MEGF10: variants seen among roughly 807,000 people sequenced by gnomAD.
MEGF10 encodes multiple epidermal growth factor-like domains protein 10.
MEGF10 carries 86 observed loss-of-function variants against 147.5 expected under a neutral mutation model. The observed-to-expected ratio is 0.58, with a 90% CI of 0.49 to 0.70. The LOEUF (loss-of-function observed/expected upper bound fraction) is 0.70. Among genes scored for constraint, MEGF10 ranks in the 30% least tolerant of loss-of-function variants. MEGF10 has a pLI of 0.00. For synonymous variants in MEGF10, 478 were observed against 525.5 expected (o/e 0.91, Z 1.24); for missense variants, 1,329 against 1,487.3 (o/e 0.89, Z 1.75).
At chr5:127,455,675 G>T in intron 24 of MEGF10, 68 bp downstream of exon 24, 1 of 1,221,930 alleles carries the variant, frequency 8.2e-7, no homozygotes, top group South Asian at 1.3e-5. Flanking sequence ...AAGTCTTTAC[G>T]AATATAATAG....
At position 127,290,898 on chromosome 5, in the gene MEGF10, C is replaced by CTTT. The variant is rs1430395851; in HGVS notation, c.-177_-176insTTT. On this transcript the variant is annotated 5_prime_UTR_variant, in exon 1 of 25. Coordinates refer to ENST00000503335, the MANE Select transcript of MEGF10 (RefSeq NM_001256545.2). ...GACGTTCCTCTTTCCCGCTTCTCCA[C>CTTT]CTTTACGCCTGAAAGAAGACTCCCA... 1.3e-5 allele frequency: 2 copies of CTTT among 152,288 alleles called. No individual in the cohort carries two copies. The highest frequency in any genetic ancestry group is 2.9e-5 in the Non-Finnish European group (2 of 68,080). 9.4% of individuals were successfully genotyped at this position (152,288 alleles called of 1,614,324 possible). A position where few individuals can be genotyped will look rare whatever the true frequency, so the allele number is the denominator to read the frequency against.
At chr5:127,371,737 C>T (rs1426253822) in intron 5 of MEGF10, among the ~76,000 whole-genome samples, 1 of 152,054 alleles carries the variant, frequency 6.6e-6, no homozygotes, top group African/African-American at 2.4e-5. Context: ...GAAAATAAAC[C>T]GTTGCTTTAT....
chr5:127,422,663 CATG>C lies in MEGF10; in HGVS notation c.1591-6_1591-4del. 1 of 1,612,666 alleles carries C rather than the reference CATG, an allele frequency of 6.2e-7. No homozygotes were observed. On this transcript the variant is annotated splice_region_variant and splice_polypyrimidine_tract_variant and intron_variant, in intron 12 of 24. Transcript: ENST00000503335. ...CATTGCTGCCTTTGATGCTGTTTTC[CATG>C]CAGGATGGCACGTACGGGCTGAACT...
At position 127,459,108 on chromosome 5, in the gene MEGF10, A is replaced by G. The variant is rs1467324502; in HGVS notation, c.*1790A>G. The G allele has an allele frequency of 6.6e-6, 1 of 152,234 alleles. No individual in the cohort carries two copies. Among genetic ancestry groups the G allele is most frequent in the East Asian group, 1.9e-4 (1 of 5,198 alleles). The allele number at this position is 152,234 out of a possible 1,614,324, so 9.4% of individuals were successfully genotyped here. On this transcript the variant is annotated 3_prime_UTR_variant, in exon 25 of 25. Coordinates refer to ENST00000503335, the MANE Select transcript of MEGF10 (RefSeq NM_001256545.2). ...GAAATCCTATATGGCATTCTGTCTCAGTGAGTCAGTTAACAAATACGTATG... is the reference window on the plus strand; with the variant it reads ...GAAATCCTATATGGCATTCTGTCTCGGTGAGTCAGTTAACAAATACGTATG...
At chr5:127,247,316 GAGAGAAGAAGAAGAAGAAGAAGAAGAAGA>G in the MEGF10 span, among the ~76,000 whole-genome samples, 2 of 117,420 alleles carry the variant, frequency 1.7e-5, 1 homozygote, top group Non-Finnish European at 3.4e-5. Context: ...GAGAGAAAGA[GAGAGAAGAAGAAGAAGAAGAAGAAGAAGA>G]AGAAGAAGAA....
intron 1 of MEGF10, among the ~76,000 whole-genome samples, chr5:127,322,102 G>A (rs1175090329): frequency 6.7e-6 from 1 of 148,734 alleles, no homozygotes; most frequent in East Asian, 2.0e-4. Flanking sequence ...AATGCTTTAG[G>A]TTAAAAGAAA....
intron 20 of MEGF10, 73 bp from the exon 21 acceptor site, chr5:127,447,484 T>TA: frequency 6.3e-7 from 1 of 1,599,502 alleles, no homozygotes; most frequent in South Asian, 1.1e-5. Flanking sequence ...GCCTGTTTTG[T>TA]TATTTTGATT....
chr5:127,326,569 A>G (rs1474627783), intron 1 of MEGF10, among the ~76,000 whole-genome samples: 2 of 152,164 alleles, frequency 1.3e-5, no homozygotes, highest in Non-Finnish European at 2.9e-5. Context: ...AATGCACTGA[A>G]GCTGGACCAT....
the MEGF10 span, among the ~76,000 whole-genome samples, chr5:127,272,828 G>A: frequency 1.3e-5 from 2 of 152,298 alleles, no homozygotes; most frequent in Non-Finnish European, 2.9e-5. Flanking sequence ...AAGCTTTTAG[G>A]TTGAGATGAT....
chr5:127,334,171 G>A (rs1761378280), intron 2 of MEGF10, among the ~76,000 whole-genome samples: 1 of 152,076 alleles, frequency 6.6e-6, no homozygotes, highest in East Asian at 1.9e-4. Context: ...AAATGTAAAT[G>A]GGCTTGAACT....
chr5:127,238,029 C>CTATATATATATATATA, the MEGF10 span, among the ~76,000 whole-genome samples: 4 of 139,194 alleles, frequency 2.9e-5, no homozygotes, highest in East Asian at 9.3e-4. Flanking sequence ...AAACTTCAGA[C>CTATATATATATATATA]TATATATATA....
chr5:127,312,636 A>G (rs918420241), intron 1 of MEGF10, among the ~76,000 whole-genome samples: 1 of 152,196 alleles, frequency 6.6e-6, no homozygotes. Context: ...CAGGACAGTT[A>G]TGTTCTTTCT....
intron 9 of MEGF10, among the ~76,000 whole-genome samples, chr5:127,413,340 A>T (rs1485146521): frequency 6.6e-6 from 1 of 152,196 alleles, no homozygotes; most frequent in South Asian, 2.1e-4. Flanking sequence ...ATAGAGAGAT[A>T]GATTAACTGC....
intron 4 of MEGF10, among the ~76,000 whole-genome samples, chr5:127,361,365 A>G (rs542747458): frequency 9.9e-4 from 151 of 152,102 alleles, no homozygotes; most frequent in African/African-American, 3.5e-3. Flanking sequence ...TTTTATGGCG[A>G]TATCACTTCT....
Position 127,340,586 on chromosome 5 carries a change from C to T in MEGF10, c.275C>T (p.Ser92Phe), listed in dbSNP as rs1248022277. The change falls in exon 4 of 25, where the codon TCT (serine) becomes TTT (phenylalanine). Residue 92 changes from serine (S) to phenylalanine (F), a missense_variant. Ser to Phe is a radical substitution (Grantham distance 155). Around this residue, in one of 3 missense-constraint regions of MEGF10, gnomAD observed 980 missense variants for 1,085.9 expected, o/e 0.90. Coordinates refer to ENST00000503335, the MANE Select transcript of MEGF10 (RefSeq NM_001256545.2). ...HGEKTMYRRK[S>F]QCCPGFYESG... The stretch of plus-strand genomic sequence containing the variant: ...GAGAAGACTATGTATAGGCGCAAGT[C>T]TCAGTGTTGTCCTGGATTTTATGAA... 2 of 1,613,006 alleles carry T rather than the reference C, an allele frequency of 1.2e-6. No individual in the cohort carries two copies. Among genetic ancestry groups the T allele is most frequent in the African/African-American group, 1.3e-5 (1 of 74,990 alleles).
In MEGF10 at chr5:127,438,443, T is replaced by C. The variant is rs775598867; in HGVS notation, c.2109T>C (p.Cys703=). 1.2e-6 allele frequency: 2 copies of C among 1,613,970 alleles called. No homozygotes were observed. The highest frequency in any genetic ancestry group is 1.7e-6 in the Non-Finnish European group (2 of 1,179,904). ...TCTCCATACCTGTAATTTCAGCATG[T>C]CCACCTGCCCACTGGGGCCCAAACT... ...GWIGSDCSQP[C]PPAHWGPNCI... Residue 703 remains cysteine, a synonymous_variant, in exon 17 of 25, where the codon TGT becomes TGC. Coordinates refer to ENST00000503335, the MANE Select transcript of MEGF10 (RefSeq NM_001256545.2).
At chr5:127,422,054 C>T (rs1272531348) in intron 12 of MEGF10, among the ~76,000 whole-genome samples, 1 of 146,786 alleles carries the variant, frequency 6.8e-6, no homozygotes, top group Non-Finnish European at 1.5e-5. Flanking sequence ...AGTTTTAAAA[C>T]TATAATTTTA....
intron 1 of MEGF10, among the ~76,000 whole-genome samples, chr5:127,323,123 G>A: frequency 6.6e-6 from 1 of 152,056 alleles, no homozygotes; most frequent in East Asian, 1.9e-4. Flanking sequence ...AAATTAAATT[G>A]TTATTTATTA....
chr5:127,441,427 T>C (rs1251559966), intron 18 of MEGF10, among the ~76,000 whole-genome samples: 1 of 152,212 alleles, frequency 6.6e-6, no homozygotes, highest in Non-Finnish European at 1.5e-5. Flanking sequence ...GCCTTAAAAT[T>C]TTGTTTAAGT....
Sources: allele counts gnomAD v4.1 joint callset (sites outside exome capture counted in the v4.1 genomes callset), GRCh38; gene constraint gnomAD v4.1.1; regional missense constraint gnomAD v4.1.1; transcripts MANE v1.5; gene names NCBI Gene and HGNC (gene_info 2026-07-23, HGNC 2026-07-21).